Variants in FOXO3 observed in about 807,000 individuals in gnomAD.
FOXO3 encodes the protein forkhead box protein O3.
Under a neutral mutation model 41.9 loss-of-function variants are expected in FOXO3, and 4 were observed. That is an observed-to-expected ratio of 0.10 (90% CI 0.05 to 0.22). The LOEUF is 0.22. Ranked by LOEUF, FOXO3 falls within the 10% of genes least tolerant of loss-of-function variation. The probability of loss-of-function intolerance (pLI) is 1.00; values close to 1 mark genes in which losing one functional copy is unlikely to be tolerated. For missense variants in FOXO3, 534 were observed against 906.8 expected (o/e 0.59, Z 5.28); for synonymous variants, 318 against 389.3 (o/e 0.82, Z 2.16).
chr6:108,647,572 A>G (rs942522715), intron 1 of FOXO3, among the ~76,000 whole-genome samples: 1 of 152,230 alleles, frequency 6.6e-6, no homozygotes, highest in Non-Finnish European at 1.5e-5. Flanking sequence ...GGCCCATTTT[A>G]TAGCATTCTA....
chr6:108,583,856 A>G (rs1776501539), intron 1 of FOXO3, among the ~76,000 whole-genome samples: 1 of 152,236 alleles, frequency 6.6e-6, no homozygotes, highest in Non-Finnish European at 1.5e-5. Flanking sequence ...GTGTGCTTTA[A>G]AGGTAAATAA....
intron 2 of FOXO3, among the ~76,000 whole-genome samples, chr6:108,675,075 T>A (rs982862804): frequency 1.3e-5 from 2 of 152,170 alleles, no homozygotes; most frequent in East Asian, 3.8e-4. Flanking sequence ...ACATAATCCC[T>A]GCCTCAACAT....
At chr6:108,581,704 A>G (rs1483194020) in intron 1 of FOXO3, among the ~76,000 whole-genome samples, 1 of 152,202 alleles carries the variant, frequency 6.6e-6, no homozygotes. Context: ...AGTGCCTTCC[A>G]AAGAGTTCAG....
In FOXO3 at chr6:108,664,342, G is replaced by T. The variant is rs1302389914; in HGVS notation, c.1509G>T (p.Gln503His). Residue 503 changes from glutamine to histidine, a missense_variant, in exon 2 of 3, where the codon CAG becomes CAT. Around this residue, in one of 8 missense-constraint regions of FOXO3, gnomAD observed 94 missense variants for 214.4 expected, o/e 0.44. Coordinates refer to ENST00000406360, the MANE Select transcript of FOXO3 (RefSeq NM_001455.4). ...MSQASTAVSA[Q>H]NSRRNVMLRN... The stretch of plus-strand genomic sequence containing the variant: ...AGGCCAGCACCGCTGTGTCTGCCCA[G>T]AATTCCCGCCGGAACGTGATGCTTC... The T allele has an allele frequency of 6.2e-7, 1 of 1,606,658 alleles. No individual in the cohort carries two copies. Among genetic ancestry groups the T allele is most frequent in the Non-Finnish European group, 8.5e-7 (1 of 1,174,024 alleles).
At chr6:108,584,959 GT>G (rs1776532924) in intron 1 of FOXO3, among the ~76,000 whole-genome samples, 1 of 139,446 alleles carries the variant, frequency 7.2e-6, no homozygotes, top group South Asian at 2.5e-4. Flanking sequence ...GAAATGAGAA[GT>G]TGAATTCCTG....
rs770759511 is a variant in FOXO3, at chr6:108,561,409, G to A, written c.201G>A (p.Glu67=). The stretch of plus-strand genomic sequence containing the variant: ...AGGAGGAGGACGATGAAGACGACGA[G>A]GACGGCGGGGGACGGGCCGGCTCGG... ...IPEEEDDEDD[E]DGGGRAGSAM... Residue 67 remains glutamate (E), a synonymous_variant, in exon 1 of 3, where the codon GAG becomes GAA. Coordinates refer to ENST00000406360, the MANE Select transcript of FOXO3 (RefSeq NM_001455.4). 2 of 1,542,542 alleles carry A rather than the reference G, an allele frequency of 1.3e-6. No individual in the cohort carries two copies. Among genetic ancestry groups the A allele is most frequent in the Non-Finnish European group, 1.7e-6 (2 of 1,146,346 alleles).
chr6:108,570,033 T>C (rs1423506333), intron 1 of FOXO3, among the ~76,000 whole-genome samples: 1 of 128,104 alleles, frequency 7.8e-6, no homozygotes, highest in Non-Finnish European at 1.6e-5. Flanking sequence ...AGAATCTCGC[T>C]CTGTCGCCTA....
chr6:108,657,730 G>T (rs571260062), intron 1 of FOXO3, among the ~76,000 whole-genome samples: 16 of 152,274 alleles, frequency 1.1e-4, no homozygotes, highest in Middle Eastern at 6.8e-3. Context: ...GATTGAGGTG[G>T]CAGGAGGGAC....
intron 1 of FOXO3, among the ~76,000 whole-genome samples, chr6:108,577,282 T>C (rs1351231925): frequency 6.6e-6 from 1 of 152,132 alleles, no homozygotes; most frequent in Non-Finnish European, 1.5e-5. Flanking sequence ...CACACGAGGG[T>C]ACTTCCTTGA....
intron 1 of FOXO3, among the ~76,000 whole-genome samples, chr6:108,611,348 G>A (rs1777358825): frequency 6.6e-6 from 1 of 152,180 alleles, no homozygotes; most frequent in South Asian, 2.1e-4. Context: ...GACTTTTGGG[G>A]ATGTATTTAT....
intron 1 of FOXO3, among the ~76,000 whole-genome samples, chr6:108,646,843 G>A (rs532261225): frequency 2.0e-5 from 3 of 152,258 alleles, no homozygotes; most frequent in Admixed American, 6.5e-5. Context: ...TTATGCTTTC[G>A]AGAAAATGTG....
chr6:108,678,891 T>TTTTTTTTGG (rs56036272), intron 2 of FOXO3, among the ~76,000 whole-genome samples: 1 of 59,198 alleles, frequency 1.7e-5, no homozygotes, highest in Non-Finnish European at 5.4e-5. Flanking sequence ...TTTTTTTTTT[T>TTTTTTTTGG]GAGACGGAGT....
At chr6:108,676,151 C>T (rs982842858) in intron 2 of FOXO3, among the ~76,000 whole-genome samples, 1 of 152,120 alleles carries the variant, frequency 6.6e-6, no homozygotes, top group African/African-American at 2.4e-5. Context: ...TTTGTATCAG[C>T]AATTGATTTC....
intron 1 of FOXO3, among the ~76,000 whole-genome samples, chr6:108,595,552 ATTATT>A (rs545015612): frequency 3.2e-4 from 48 of 152,094 alleles, no homozygotes; most frequent in Non-Finnish European, 6.0e-4. Flanking sequence ...TGTAACTTTT[ATTATT>A]TTATGTTCTC....
chr6:108,656,437 T>G, intron 1 of FOXO3: 1 of 985,318 alleles, frequency 1.0e-6, no homozygotes. Flanking sequence ...TACTTCTGAC[T>G]GGCACGGCAC....
chr6:108,645,612 A>G (rs997426818), intron 1 of FOXO3, among the ~76,000 whole-genome samples: 3 of 152,210 alleles, frequency 2.0e-5, no homozygotes, highest in Admixed American at 1.3e-4. Context: ...CAGGAGGATT[A>G]CTGTTAGCCC....
At chr6:108,679,619 A>G (rs1228120868) in intron 2 of FOXO3, among the ~76,000 whole-genome samples, 1 of 152,172 alleles carries the variant, frequency 6.6e-6, no homozygotes, top group Non-Finnish European at 1.5e-5. Flanking sequence ...AATAAGGACA[A>G]CATGAGAAAT....
chr6:108,638,938 C>T (rs1054019031), intron 1 of FOXO3, among the ~76,000 whole-genome samples: 2 of 152,164 alleles, frequency 1.3e-5, no homozygotes, highest in Non-Finnish European at 2.9e-5. Flanking sequence ...CGTGTCCTGC[C>T]TAATGGTGTT....
At chr6:108,605,223 G>C (rs768321219) in intron 1 of FOXO3, among the ~76,000 whole-genome samples, 6 of 151,970 alleles carry the variant, frequency 3.9e-5, no homozygotes, top group African/African-American at 7.2e-5. Context: ...GGTTCAAGCA[G>C]TTTTTCTGCC....
Sources: gnomAD v4.1 joint callset for allele counts (sites outside exome capture counted in the v4.1 genomes callset) on GRCh38, gnomAD v4.1.1 for gene constraint, gnomAD v4.1.1 regional missense constraint, MANE v1.5 for transcripts, NCBI Gene and HGNC (gene_info 2026-07-23, HGNC 2026-07-21) for gene names.